Variants in SLC12A1 observed in about 807,000 individuals in gnomAD.
SLC12A1 encodes solute carrier family 12 member 1, also known as Na-K-2Cl cotransporter.
A neutral mutation model predicts 130.4 loss-of-function variants in SLC12A1; 89 were observed. That is an observed-to-expected ratio of 0.68 (90% CI 0.58 to 0.81). The LOEUF is 0.81. SLC12A1 is among the 40% of genes least tolerant of loss of function. The pLI is 0.00. For missense variants in SLC12A1, 1,310 were observed against 1,336.4 expected (o/e 0.98, Z 0.31); for synonymous variants, 499 against 460.0 (o/e 1.08, Z -1.09).
At chr15:48,209,579 C>G (rs1303133305) in intron 2 of SLC12A1, among the ~76,000 whole-genome samples, 1 of 152,138 alleles carries the variant, frequency 6.6e-6, no homozygotes, top group African/African-American at 2.4e-5. Context: ...TCAAACAGTT[C>G]CTTTTGTATG....
rs1439503539 is a variant in SLC12A1 at position 48,302,784 on chromosome 15, G to T, written c.3199G>T (p.Asp1067Tyr). The change falls in exon 27 of 27, where the codon GAT (aspartate) becomes TAT (tyrosine). Residue 1067 changes from aspartate to tyrosine, a missense_variant. Asp to Tyr is a radical substitution (Grantham distance 160). Coordinates refer to ENST00000380993, the MANE Select transcript of SLC12A1 (RefSeq NM_000338.3). ...LPVARKGSIS[D>Y]LLYMAWLEIL... The stretch of plus-strand genomic sequence containing the variant: ...CGTGGCAAGAAAGGGATCCATATCG[G>T]ATTTGTTGTATATGGCTTGGTTGGA... 6 of 1,613,000 alleles carry T rather than the reference G, an allele frequency of 3.7e-6. No homozygotes were observed. The South Asian group carries it at 5.5e-5, about 15-fold the overall frequency.
At chr15:48,300,360 A>G (rs555889960) in intron 25 of SLC12A1, among the ~76,000 whole-genome samples, 1 of 152,210 alleles carries the variant, frequency 6.6e-6, no homozygotes, top group African/African-American at 2.4e-5. Flanking sequence ...ATCTTAGGAT[A>G]AATGGGTTAA....
intron 16 of SLC12A1, among the ~76,000 whole-genome samples, chr15:48,257,817 T>C (rs537191245): frequency 1.3e-5 from 2 of 152,200 alleles, no homozygotes; most frequent in Non-Finnish European, 2.9e-5. Context: ...ATTTTCCCCA[T>C]TGTCTTGGTG....
At chr15:48,252,207 AAATAAG>A (rs145864539) in intron 15 of SLC12A1, among the ~76,000 whole-genome samples, 10,113 of 152,124 alleles carry the variant, frequency 0.066, 800 homozygotes, top group African/African-American at 0.19. Context: ...CTGTCTCAAA[AAATAAG>A]AATAAGAATA....
chr15:48,245,203 C>A (rs569351919), intron 11 of SLC12A1, among the ~76,000 whole-genome samples: 2 of 152,156 alleles, frequency 1.3e-5, no homozygotes, highest in South Asian at 4.1e-4. Flanking sequence ...TGGAAAGGAA[C>A]CTAGATTAGT....
intron 18 of SLC12A1, among the ~76,000 whole-genome samples, chr15:48,268,666 C>T (rs775152177): frequency 2.6e-5 from 4 of 152,134 alleles, no homozygotes; most frequent in Non-Finnish European, 5.9e-5. Flanking sequence ...TTCTGCAAAA[C>T]CTATTACCCA....
chr15:48,250,096 T>A (rs2279368), intron 14 of SLC12A1, among the ~76,000 whole-genome samples: 21,061 of 152,178 alleles, frequency 0.14, 2,885 homozygotes, highest in African/African-American at 0.34. Context: ...AATTACCTGC[T>A]GAGTGGAGGC....
intron 7 of SLC12A1, 141 bp downstream of exon 7, chr15:48,230,644 A>C: frequency 3.1e-6 from 2 of 642,284 alleles, no homozygotes; most frequent in Non-Finnish European, 5.6e-6. Flanking sequence ...GCTAGGTGGA[A>C]CACCAAGCCT....
intron 20 of SLC12A1, among the ~76,000 whole-genome samples, chr15:48,283,369 AC>A (rs982991014): frequency 7.5e-4 from 113 of 149,826 alleles, no homozygotes; most frequent in African/African-American, 2.7e-3. Flanking sequence ...ATTGGTTGTG[AC>A]CCCCCAGTGC....
chr15:48,273,379 C>A (rs1414124738), intron 19 of SLC12A1, among the ~76,000 whole-genome samples: 1 of 152,198 alleles, frequency 6.6e-6, no homozygotes, highest in African/African-American at 2.4e-5. Context: ...CTTGTGATTA[C>A]TCTTGTCCCA....
chr15:48,251,643 CA>C lies in SLC12A1; in HGVS notation c.1816del (p.Met606CysfsTer37). ...GGAGACCTGCGTATGGAATTTACAA[CA>C]TGTGGGTATCTCTTTTTGGAGCTGT... is the stretch of plus-strand genomic sequence containing the variant. ...GWRPAYGIYNMWVSLFGAVLC... is the reference protein window; with the variant it reads ...GWRPAYGIYNXWVSLFGAVLC... On this transcript the variant is annotated frameshift_variant, in exon 15 of 27. Transcript: ENST00000380993. LOFTEE classifies it high-confidence loss of function. The C allele has an allele frequency of 6.2e-7, 1 of 1,613,760 alleles. No homozygotes were observed. The highest frequency in any genetic ancestry group is 8.5e-7 in the Non-Finnish European group (1 of 1,179,722).
chr15:48,243,370 A>G (rs1472658189), intron 10 of SLC12A1, among the ~76,000 whole-genome samples: 2 of 152,224 alleles, frequency 1.3e-5, no homozygotes, highest in Admixed American at 6.5e-5. Context: ...AAAAGAGTCT[A>G]TAATTGGCCA....
chr15:48,279,963 A>G (rs2041993899), intron 20 of SLC12A1, among the ~76,000 whole-genome samples: 1 of 152,188 alleles, frequency 6.6e-6, no homozygotes, highest in African/African-American at 2.4e-5. Flanking sequence ...ATGAGCATTT[A>G]CAGCTTTGAG....
intron 20 of SLC12A1, among the ~76,000 whole-genome samples, chr15:48,281,855 C>A (rs879862010): frequency 6.6e-6 from 1 of 152,142 alleles, no homozygotes; most frequent in East Asian, 1.9e-4. Flanking sequence ...TTGGCTGGCT[C>A]CCCTTGTGGC....
At chr15:48,266,424 T>G (rs1395736168) in intron 17 of SLC12A1, among the ~76,000 whole-genome samples, 2 of 149,952 alleles carry the variant, frequency 1.3e-5, no homozygotes, top group Admixed American at 1.4e-4. Context: ...AGACCTGTTT[T>G]GTCTGACCGC....
At chr15:48,240,094 T>TATGTATATATATATCC (rs1567317154) in intron 9 of SLC12A1, among the ~76,000 whole-genome samples, 1 of 78,742 alleles carries the variant, frequency 1.3e-5, no homozygotes, top group South Asian at 3.6e-4. Context: ...TATATATCCA[T>TATGTATATATATATCC]ATATATATAT....
chr15:48,232,912 C>G (rs2041398531), intron 8 of SLC12A1, 74 bp downstream of exon 8: 1 of 863,326 alleles, frequency 1.2e-6, no homozygotes, highest in Non-Finnish European at 1.9e-6. Context: ...CCCATCAACC[C>G]AACCCCAGCC....
In SLC12A1 at chr15:48,259,225, G is replaced by C; in HGVS notation, c.2068G>C (p.Gly690Arg). The C allele has an allele frequency of 1.2e-6, 2 of 1,613,282 alleles. No individual in the cohort carries two copies. Among genetic ancestry groups the C allele is most frequent in the Non-Finnish European group, 1.7e-6 (2 of 1,179,388 alleles). The change falls in exon 17 of 27, where the codon GGA (glycine) becomes CGA (arginine). Residue 690 changes from glycine to arginine, a missense_variant. Transcript: ENST00000380993. ...FRPQCIVLTG[G>R]PMTRPALLDI... ...GCCCCAGTGCATTGTCTTAACAGGG[G>C]GACCCATGACAAGACCTGCTCTCCT...
At chr15:48,249,479 A>T in intron 13 of SLC12A1, 96 bp from the exon 14 acceptor site, 1 of 948,832 alleles carries the variant, frequency 1.1e-6, no homozygotes, top group Non-Finnish European at 1.7e-6. Flanking sequence ...CTATGTTTTC[A>T]ATTTCCAAAT....
Sources: gnomAD v4.1 joint callset for allele counts (sites outside exome capture counted in the v4.1 genomes callset) on GRCh38, gnomAD v4.1.1 for gene constraint, MANE v1.5 for transcripts, NCBI Gene and HGNC (gene_info 2026-07-23, HGNC 2026-07-21) for gene names.